The following ABCC9 variants were observed in gnomAD, a reference collection of about 807,000 sequenced individuals.
ABCC9 encodes ATP-binding cassette sub-family C member 9.
In ABCC9, 95 loss-of-function variants were observed where a neutral mutation model predicts 188.3. The observed-to-expected ratio is 0.50, with a 90% CI of 0.43 to 0.60. The LOEUF is 0.60. Among genes scored for constraint, ABCC9 ranks in the 20% least tolerant of loss-of-function variants. The pLI is 0.00. For missense variants in ABCC9, 1,102 were observed against 1,876.3 expected (o/e 0.59, Z 7.62); for synonymous variants, 659 against 652.7 (o/e 1.01, Z -0.15).
At chr12:21,860,865 A>C in intron 21 of ABCC9, 106 bp downstream of exon 21, 1 of 915,528 alleles carries the variant, frequency 1.1e-6, no homozygotes, top group South Asian at 1.4e-5. Flanking sequence ...GACAACATAC[A>C]ACTCCTAAGC....
intron 12 of ABCC9, among the ~76,000 whole-genome samples, chr12:21,898,690 TAAATC>T (rs1391033425): frequency 2.0e-5 from 3 of 152,148 alleles, no homozygotes; most frequent in Non-Finnish European, 2.9e-5. Context: ...AACTGACACA[TAAATC>T]AAATCAAATA....
chr12:21,812,214 T>A (rs1942289832), intron 35 of ABCC9, 57 bp from the exon 36 acceptor site: 1 of 1,267,768 alleles, frequency 7.9e-7, no homozygotes, highest in Non-Finnish European at 1.2e-6. Context: ...TAAAATAATA[T>A]TTGTTTACAA....
At chr12:21,938,728 A>G (rs1158383854) in intron 2 of ABCC9, among the ~76,000 whole-genome samples, 3 of 152,330 alleles carry the variant, frequency 2.0e-5, no homozygotes, top group Non-Finnish European at 4.4e-5. Flanking sequence ...AGATGCTAAA[A>G]TATAACCTGC....
chr12:21,841,189 G>A (rs1369244067), intron 29 of ABCC9, among the ~76,000 whole-genome samples: 1 of 152,010 alleles, frequency 6.6e-6, no homozygotes, highest in Non-Finnish European at 1.5e-5. Context: ...ATATAGCGGG[G>A]TTTCAAAGTT....
At chr12:21,911,025 T>C (rs768120567) in intron 8 of ABCC9, 47 bp from the exon 9 acceptor site, 18 of 1,588,886 alleles carry the variant, frequency 1.1e-5, no homozygotes, top group Non-Finnish European at 1.6e-5. Context: ...CGTCTTTTTA[T>C]AGACCAGGTG....
In ABCC9 at chr12:21,897,791, T is replaced by A. The variant is rs146437572; in HGVS notation, c.1619-2476A>T. ...TATCAAGAACACAGGATAATGTATTTTCCCCCTCATGACTTCTTACTGCTC... is the reference window on the plus strand; with the variant it reads ...TATCAAGAACACAGGATAATGTATTATCCCCCTCATGACTTCTTACTGCTC... On this transcript the variant is annotated intron_variant, in intron 12 of 39. Coordinates refer to ENST00000261200, the MANE Select transcript of ABCC9 (RefSeq NM_020297.4). Among the ~76,000 whole-genome samples, 17 of 152,250 alleles carry A rather than the reference T, an allele frequency of 1.1e-4. No individual in the cohort carries two copies. In the East Asian group the frequency reaches 3.3e-3, roughly 29 times the overall value.
chr12:21,806,016 C>G lies in ABCC9; in HGVS notation c.4494G>C (p.Arg1498=). 6.2e-7 allele frequency: 1 copy of G among 1,613,754 alleles called. No homozygotes were observed. The highest frequency in any genetic ancestry group is 8.5e-7 in the Non-Finnish European group (1 of 1,179,850). The change falls in exon 39 of 40, where the codon CGG becomes CGC. Residue 1498 remains arginine (R), a synonymous_variant. Transcript: ENST00000261200. ...QKVVMTAFAD[R]TVVTIAHRVH... ...TACTTACAGCTATTGTCACCACGGT[C>G]CGGTCTGCAAAGGCTGTCATTACTA...
At chr12:21,841,351 T>C (rs1392688251) in intron 29 of ABCC9, among the ~76,000 whole-genome samples, 2,083 of 101,782 alleles carry the variant, frequency 0.02, 224 homozygotes, top group Non-Finnish European at 0.033. Context: ...GGTTTCCTTT[T>C]TTTTTTTTTT....
Position 21,797,644 on chromosome 12 carries a change from A to G in ABCC9, c.*3400T>C, listed in dbSNP as rs750524732. On this transcript the variant is annotated 3_prime_UTR_variant, in exon 40 of 40. Coordinates refer to ENST00000261200, the MANE Select transcript of ABCC9 (RefSeq NM_020297.4). The stretch of plus-strand genomic sequence containing the variant: ...TATTAAATTCCAAGGGCACAATGGC[A>G]AACAAGACATGGTCCCGAATCTCAG... The G allele has an allele frequency of 6.6e-6, 1 of 152,208 alleles. No homozygotes were observed. Among genetic ancestry groups the G allele is most frequent in the Non-Finnish European group, 1.5e-5 (1 of 68,032 alleles). 9.4% of individuals were successfully genotyped at this position (152,208 alleles called of 1,614,324 possible).
At chr12:21,890,752 T>G (rs1334350532) in intron 14 of ABCC9, among the ~76,000 whole-genome samples, 1 of 148,090 alleles carries the variant, frequency 6.8e-6, no homozygotes, top group Non-Finnish European at 1.5e-5. Flanking sequence ...TTCTCACTCA[T>G]ACGTGGGAAT....
chr12:21,864,502 A>G (rs760065118), intron 18 of ABCC9, 25 bp from the exon 19 acceptor site: 1 of 1,534,304 alleles, frequency 6.5e-7, no homozygotes. Context: ...AACAATGTTC[A>G]TTAATTATGA....
intron 4 of ABCC9, among the ~76,000 whole-genome samples, chr12:21,932,208 AAG>A: frequency 6.8e-6 from 1 of 147,262 alleles, no homozygotes; most frequent in East Asian, 2.8e-4. Context: ...GATTATGTTC[AAG>A]TTTATAAATA....
chr12:21,864,335 T>C, intron 19 of ABCC9, 104 bp downstream of exon 19: 1 of 880,760 alleles, frequency 1.1e-6, no homozygotes, highest in Non-Finnish European at 1.8e-6. Context: ...CACACTTTAA[T>C]AAATAACTAT....
chr12:21,893,322 C>T (rs1253182648), intron 14 of ABCC9, among the ~76,000 whole-genome samples: 3 of 152,096 alleles, frequency 2.0e-5, no homozygotes, highest in Admixed American at 6.5e-5. Flanking sequence ...AATTCTTAAC[C>T]ATTTTCAGAG....
chr12:21,863,024 A>G lies in ABCC9; in HGVS notation c.2268T>C (p.Ala756=). ...SRNRYSVAYA[A]QKPWLLNATV... ...TAGCATTTAATAGCCAAGGCTTTTG[A>G]GCTGCATATGCCACAGAGTACCTGT... The change falls in exon 20 of 40, where the codon GCT becomes GCC. Residue 756 remains alanine, a synonymous_variant. Coordinates refer to ENST00000261200, the MANE Select transcript of ABCC9 (RefSeq NM_020297.4). 5.0e-6 allele frequency: 8 copies of G among 1,612,650 alleles called. No homozygotes were observed. The highest frequency in any genetic ancestry group is 6.8e-6 in the Non-Finnish European group (8 of 1,178,970).
chr12:21,819,949 T>C (rs1469259821), intron 31 of ABCC9, among the ~76,000 whole-genome samples: 4 of 152,182 alleles, frequency 2.6e-5, no homozygotes, highest in African/African-American at 9.6e-5. Context: ...CCTACTAGAC[T>C]GTTCTTTCTC....
intron 16 of ABCC9, among the ~76,000 whole-genome samples, chr12:21,882,128 C>G (rs1040191837): frequency 6.6e-6 from 1 of 152,160 alleles, no homozygotes; most frequent in African/African-American, 2.4e-5. Flanking sequence ...AATTGGATAT[C>G]CTCCAGTAGC....
intron 19 of ABCC9, 144 bp downstream of exon 19, chr12:21,864,295 T>C (rs893167055): frequency 1.6e-6 from 1 of 619,180 alleles, no homozygotes; most frequent in African/African-American, 1.9e-5. Context: ...TTGTCAAGGT[T>C]GCGAACCACT....
chr12:21,918,490 C>T (rs146011603), intron 5 of ABCC9, among the ~76,000 whole-genome samples: 6 of 152,182 alleles, frequency 3.9e-5, no homozygotes, highest in Middle Eastern at 3.4e-3. Flanking sequence ...ATATAGAGTA[C>T]GTTTTCTGAC....
Sources: allele counts gnomAD v4.1 joint callset (sites outside exome capture counted in the v4.1 genomes callset), GRCh38; gene constraint gnomAD v4.1.1; transcripts MANE v1.5; gene names NCBI Gene and HGNC (gene_info 2026-07-23, HGNC 2026-07-21).